Variants in TNNT1 observed in about 807,000 individuals in gnomAD.
The protein encoded by TNNT1 is troponin T1, slow skeletal type.
In TNNT1, 53 loss-of-function variants were observed where a neutral mutation model predicts 50.6. The observed-to-expected ratio is 1.05, with a 90% CI of 0.84 to 1.32. The LOEUF (loss-of-function observed/expected upper bound fraction) is 1.32. Ranked by LOEUF, TNNT1 falls within the 40% of genes most tolerant of loss-of-function variation. The pLI, the probability that TNNT1 is intolerant of heterozygous loss-of-function variation, is 0.00. For synonymous variants in TNNT1, 142 were observed against 138.0 expected (o/e 1.03, Z -0.20); for missense variants, 348 against 381.7 (o/e 0.91, Z 0.74).
chr19:55,139,817 T>A (rs2085418742), intron 9 of TNNT1, among the ~76,000 whole-genome samples: 1 of 149,736 alleles, frequency 6.7e-6, no homozygotes, highest in South Asian at 2.1e-4. Flanking sequence ...AAAAAAATAA[T>A]AATAATAGTA....
intron 6 of TNNT1, among the ~76,000 whole-genome samples, chr19:55,144,757 G>A (rs1392150262): frequency 2.0e-5 from 3 of 152,250 alleles, no homozygotes; most frequent in Non-Finnish European, 4.4e-5. Context: ...TGCCGGAAAG[G>A]TCCGCTGGAG....
At position 55,146,446 on chromosome 19, in the gene TNNT1, C is replaced by G; in HGVS notation, c.94G>C (p.Val32Leu). 7.4e-7 allele frequency: 1 copy of G among 1,358,700 alleles called. No homozygotes were observed. The highest frequency in any genetic ancestry group is 9.6e-7 in the Non-Finnish European group (1 of 1,047,016). 84.2% of individuals were successfully genotyped at this position (1,358,700 alleles called of 1,614,324 possible). A position where few individuals can be genotyped will look rare whatever the true frequency, so the allele number is the denominator to read the frequency against. Reference protein sequence around the residue: ...EEEAPEEPEPVAEPEEERPKP... With the variant: ...EEEAPEEPEPLAEPEEERPKP... ...CAGCCGCGGTTACCTGGCTCTGCCA[C>G]CGGCTCCGGCTCTTCGGGGGCTGGG... The change falls in exon 5 of 14, where the codon GTG becomes CTG. Residue 32 changes from valine (V) to leucine (L), a missense_variant. By Grantham distance (32) the Val-to-Leu change is conservative. Coordinates refer to ENST00000588981, the MANE Select transcript of TNNT1 (RefSeq NM_003283.6).
intron 8 of TNNT1, 28 bp downstream of exon 8, chr19:55,141,158 C>T (rs778287220): frequency 6.3e-7 from 1 of 1,594,522 alleles, no homozygotes; most frequent in Admixed American, 1.7e-5. Flanking sequence ...GGGAGGAAGA[C>T]CGGGGGGAAC....
At position 55,137,184 on chromosome 19, in the gene TNNT1, G is replaced by A. The variant is rs781338289; in HGVS notation, c.530C>T (p.Thr177Met). The A allele has an allele frequency of 1.8e-5, 28 of 1,575,908 alleles. No individual in the cohort carries two copies. The highest frequency in any genetic ancestry group is 2.2e-5 in the South Asian group (2 of 90,544). ...GATGCGCACCTTCATCTCCCGCCCCGTCTGCCGCTTACCACGCTTCTGTTC... is the reference window on the plus strand; with the variant it reads ...GATGCGCACCTTCATCTCCCGCCCCATCTGCCGCTTACCACGCTTCTGTTC... ...KAEQKRGKRQ[T>M]GREMKVRILS... The change falls in exon 11 of 14, where the codon ACG becomes ATG. Residue 177 changes from threonine to methionine, a missense_variant. By Grantham distance (81) the Thr-to-Met change is moderately conservative. Transcript: ENST00000588981.
In TNNT1 at chr19:55,132,838, G is replaced by C. The variant is rs1174318985; in HGVS notation, c.*77C>G. The C allele has an allele frequency of 1.4e-6, 2 of 1,390,600 alleles. No homozygotes were observed. Among genetic ancestry groups the C allele is most frequent in the Non-Finnish European group, 1.0e-6 (1 of 999,148 alleles). The allele number at this position is 1,390,600 out of a possible 1,614,324, so 86.1% of individuals were successfully genotyped here. A position where few individuals can be genotyped will look rare whatever the true frequency, so the allele number is the denominator to read the frequency against. ...ATCAGAGAACCCAGCGGGTGTCTGA[G>C]GGGAGCGTTTATTTCAAGCTACCGA... is the stretch of plus-strand genomic sequence containing the variant. On this transcript the variant is annotated 3_prime_UTR_variant, in exon 14 of 14. Coordinates refer to ENST00000588981, the MANE Select transcript of TNNT1 (RefSeq NM_003283.6).
chr19:55,145,312 GGAAGGA>G (rs1167914613), intron 6 of TNNT1: 82 of 585,524 alleles, frequency 1.4e-4, no homozygotes, highest in East Asian at 1.3e-3. Flanking sequence ...AAGAAGAAGG[GGAAGGA>G]GAAGGAGAAG....
At chr19:55,145,916 G>A (rs1437625989) in intron 5 of TNNT1, among the ~76,000 whole-genome samples, 1 of 151,858 alleles carries the variant, frequency 6.6e-6, no homozygotes, top group Non-Finnish European at 1.5e-5. Context: ...GCAGTGCAGG[G>A]GGTCCCAACC....
In TNNT1 at chr19:55,134,125, G is replaced by A; in HGVS notation, c.691C>T (p.His231Tyr). 5 of 1,611,196 alleles carry A rather than the reference G, an allele frequency of 3.1e-6. No individual in the cohort carries two copies. Among genetic ancestry groups the A allele is most frequent in the Non-Finnish European group, 4.2e-6 (5 of 1,179,138 alleles). ...TCGAACTTCTCAGACTCCAGCTGGT[G>A]GATCCAGTCCGACAGCTCCTGGGCT... ...EKAQELSDWI[H>Y]QLESEKFDLM... The change falls in exon 12 of 14, where the codon CAC becomes TAC. Residue 231 changes from histidine (H) to tyrosine (Y), a missense_variant. His to Tyr is a moderately conservative substitution (Grantham distance 83). This residue lies in a region of TNNT1 where 253 missense variants were observed against 291.8 expected (regional missense o/e 0.87). Transcript: ENST00000588981.
intron 9 of TNNT1, among the ~76,000 whole-genome samples, chr19:55,139,201 T>C (rs1007876810): frequency 2.6e-5 from 4 of 152,180 alleles, no homozygotes; most frequent in African/African-American, 9.7e-5. Context: ...GGTTTCACCA[T>C]GTTGGCCAGG....
At chr19:55,145,629 G>C (rs2085535368) in intron 5 of TNNT1, 64 bp from the exon 6 acceptor site, 1 of 1,587,662 alleles carries the variant, frequency 6.3e-7, no homozygotes, top group Admixed American at 1.7e-5. Context: ...GGCTAGGCCT[G>C]ACACACCCTG....
chr19:55,140,839 T>C (rs781049941), intron 9 of TNNT1, 44 bp downstream of exon 9: 1 of 1,505,270 alleles, frequency 6.6e-7, no homozygotes, highest in Non-Finnish European at 9.2e-7. Flanking sequence ...GGCATCCGGC[T>C]GAAGAAGTAA....
At chr19:55,137,350 A>G in intron 10 of TNNT1, 138 bp from the exon 11 acceptor site, 2 of 653,528 alleles carry the variant, frequency 3.1e-6, no homozygotes, top group African/African-American at 1.8e-5. Flanking sequence ...CATCTCCTTC[A>G]GACCTAGGAG....
intron 6 of TNNT1, among the ~76,000 whole-genome samples, chr19:55,144,226 C>T (rs1007348538): frequency 6.6e-6 from 1 of 152,000 alleles, no homozygotes; most frequent in African/African-American, 2.4e-5. Flanking sequence ...CACCACAATA[C>T]CTGGCTAATT....
At chr19:55,148,154 C>G (rs1032805139) in intron 1 of TNNT1, 2 of 152,176 alleles carry the variant, frequency 1.3e-5, no homozygotes, top group African/African-American at 2.4e-5. Context: ...AAGACAATAG[C>G]TGCCCCACCC....
At position 55,133,716 on chromosome 19, in the gene TNNT1, C is replaced by T. The variant is rs763347676; in HGVS notation, c.791+171G>A. 1.1e-5 allele frequency: 8 copies of T among 718,200 alleles called. No homozygotes were observed. The East Asian group carries it at 2.1e-4, about 19-fold the overall frequency. 44.5% of individuals were successfully genotyped at this position (718,200 alleles called of 1,614,324 possible). A position where few individuals can be genotyped will look rare whatever the true frequency, so the allele number is the denominator to read the frequency against. ...AAAAAGAAAGAAAAAGAAAAAGGAA[C>T]TGAGACCCAGGATTCCGAGAGCAGA... On this transcript the variant is annotated intron_variant, in intron 13 of 13. Transcript: ENST00000588981.
At chr19:55,134,704 GGA>G (rs1287064386) in intron 11 of TNNT1, among the ~76,000 whole-genome samples, 1 of 57,010 alleles carries the variant, frequency 1.8e-5, no homozygotes, top group African/African-American at 7.4e-5. Flanking sequence ...GGAGGGGAGG[GGA>G]GAGGAGAAGA....
chr19:55,145,509 G>A (rs1380668477), intron 6 of TNNT1, 35 bp downstream of exon 6: 1 of 1,610,762 alleles, frequency 6.2e-7, no homozygotes, highest in Non-Finnish European at 8.5e-7. Flanking sequence ...TTAGGAAGAT[G>A]TATGACTGGG....
rs2085552769 is a variant in TNNT1, at chr19:55,146,415, G to C, written c.106+19C>G. 1.5e-6 allele frequency: 2 copies of C among 1,367,512 alleles called. No individual in the cohort carries two copies. Among genetic ancestry groups the C allele is most frequent in the Non-Finnish European group, 1.9e-6 (2 of 1,052,814 alleles). The allele number at this position is 1,367,512 out of a possible 1,614,324, so 84.7% of individuals were successfully genotyped here. ...GGGCCCCCGACATCGGTCTCGGGAA[G>C]CGAAGCAGCCGCGGTTACCTGGCTC... On this transcript the variant is annotated intron_variant, in intron 5 of 13. Transcript: ENST00000588981.
At chr19:55,141,461 G>A (rs2085452608) in intron 7 of TNNT1, among the ~76,000 whole-genome samples, 159 bp from the exon 8 acceptor site, 1 of 151,938 alleles carries the variant, frequency 6.6e-6, no homozygotes. Context: ...GCTCTTCCAA[G>A]GACAGGCTTC....
Sources: allele counts gnomAD v4.1 joint callset (sites outside exome capture counted in the v4.1 genomes callset), GRCh38; gene constraint gnomAD v4.1.1; regional missense constraint gnomAD v4.1.1; transcripts MANE v1.5; gene names NCBI Gene and HGNC (gene_info 2026-07-23, HGNC 2026-07-21).